Variants in CREG2 observed in about 807,000 individuals in gnomAD.
The protein encoded by CREG2 is protein CREG2.
CREG2 carries 24 observed loss-of-function variants against 26.2 expected under a neutral mutation model. That is an observed-to-expected ratio of 0.92 (90% CI 0.66 to 1.29). The LOEUF (loss-of-function observed/expected upper bound fraction) is 1.29. Ranked by LOEUF, CREG2 falls within the 50% of genes most tolerant of loss-of-function variation. The probability of loss-of-function intolerance (pLI) is 0.00; values close to 1 mark genes in which losing one functional copy is unlikely to be tolerated. For synonymous variants in CREG2, 174 were observed against 169.2 expected (o/e 1.03, Z -0.22); for missense variants, 366 against 398.6 (o/e 0.92, Z 0.70).
chr2:101,365,536 A>C (rs1279390181), intron 2 of CREG2, among the ~76,000 whole-genome samples: 1 of 152,178 alleles, frequency 6.6e-6, no homozygotes, highest in Non-Finnish European at 1.5e-5. Context: ...GTAGGTGGTC[A>C]CTTCTTCCTA....
Position 101,383,528 on chromosome 2 carries a change from T to G in CREG2, c.611+5A>C, listed in dbSNP as rs201064714. On this transcript the variant is annotated splice_donor_5th_base_variant and intron_variant, in intron 2 of 3. Transcript: ENST00000324768. Reference sequence around the variant, plus strand: ...CCGTGTGAGTGAGGGCAAACCGTCGTCTACCTGCAGAACTCCCCTTCTGAT... The same window carrying G: ...CCGTGTGAGTGAGGGCAAACCGTCGGCTACCTGCAGAACTCCCCTTCTGAT... The G allele has an allele frequency of 2.5e-6, 4 of 1,613,552 alleles. No individual in the cohort carries two copies. Among genetic ancestry groups the G allele is most frequent in the Non-Finnish European group, 2.5e-6 (3 of 1,180,000 alleles).
At position 101,349,168 on chromosome 2, in the gene CREG2, C is replaced by T. The variant is rs115684219; in HGVS notation, c.*1755G>A. The T allele has an allele frequency of 0.017, 2,574 of 152,714 alleles. 28 individuals are homozygous for T. Among genetic ancestry groups the T allele is most frequent in the Non-Finnish European group, 0.026 (1,755 of 68,034 alleles). 9.5% of individuals were successfully genotyped at this position (152,714 alleles called of 1,614,324 possible). A position where few individuals can be genotyped will look rare whatever the true frequency, so the allele number is the denominator to read the frequency against. On this transcript the variant is annotated 3_prime_UTR_variant, in exon 4 of 4. Transcript: ENST00000324768. ...GGTTGACTTATGCAATACATTTGAG[C>T]ATGTCATTTGTTCTTCCAGCTTTCT... is the stretch of plus-strand genomic sequence containing the variant.
chr2:101,372,615 G>A (rs1412521866), intron 2 of CREG2, among the ~76,000 whole-genome samples: 1 of 152,136 alleles, frequency 6.6e-6, no homozygotes, highest in Non-Finnish European at 1.5e-5. Context: ...AAGCACAAAA[G>A]GACATTGACA....
chr2:101,347,181 TC>T lies in CREG2; in HGVS notation c.*3741del, dbSNP rs1425363276. 2.6e-4 allele frequency: 39 copies of T among 152,236 alleles called. No individual in the cohort carries two copies. The highest frequency in any genetic ancestry group is 2.3e-3 in the Admixed American group (35 of 15,274). 9.4% of individuals were successfully genotyped at this position (152,236 alleles called of 1,614,324 possible). On this transcript the variant is annotated 3_prime_UTR_variant, in exon 4 of 4. Coordinates refer to ENST00000324768, the MANE Select transcript of CREG2 (RefSeq NM_153836.4). Reference sequence around the variant, plus strand: ...GTTCTTTTTTATCGCTGAGTAGTATTCCGGGCATAGAGGCACCATCCACTGT... The same window carrying T: ...GTTCTTTTTTATCGCTGAGTAGTATTCGGGCATAGAGGCACCATCCACTGT...
chr2:101,366,037 C>A (rs1684612285), intron 2 of CREG2, among the ~76,000 whole-genome samples: 1 of 152,198 alleles, frequency 6.6e-6, no homozygotes, highest in Admixed American at 6.5e-5. Flanking sequence ...GTTATTCCAT[C>A]TTGTCTATGA....
intron 2 of CREG2, among the ~76,000 whole-genome samples, chr2:101,360,491 T>C (rs1684522737): frequency 6.6e-6 from 1 of 152,074 alleles, no homozygotes; most frequent in Non-Finnish European, 1.5e-5. Context: ...TCCCAGCACT[T>C]TGGGAGGCCA....
intron 2 of CREG2, among the ~76,000 whole-genome samples, chr2:101,363,923 C>T (rs1684583367): frequency 6.6e-6 from 1 of 151,844 alleles, no homozygotes; most frequent in Non-Finnish European, 1.5e-5. Context: ...ATTGGACCAC[C>T]CAATCCTGCA....
At chr2:101,382,464 G>A (rs1684891815) in intron 2 of CREG2, 1 of 965,958 alleles carries the variant, frequency 1.0e-6, no homozygotes, top group South Asian at 4.8e-5. Flanking sequence ...GAAAAGAAAG[G>A]TATCCTGGAA....
At chr2:101,386,343 A>C (rs1453095148) in intron 1 of CREG2, among the ~76,000 whole-genome samples, 1 of 152,086 alleles carries the variant, frequency 6.6e-6, no homozygotes, top group Non-Finnish European at 1.5e-5. Context: ...AAACCCCCAA[A>C]AGCCTTCTGG....
At chr2:101,372,611 A>G (rs1375990273) in intron 2 of CREG2, among the ~76,000 whole-genome samples, 1 of 152,356 alleles carries the variant, frequency 6.6e-6, no homozygotes, top group South Asian at 2.1e-4. Context: ...CTATAAGCAC[A>G]AAAGGACATT....
At chr2:101,353,342 G>A (rs180779694) in intron 3 of CREG2, among the ~76,000 whole-genome samples, 3 of 152,300 alleles carry the variant, frequency 2.0e-5, no homozygotes, top group Admixed American at 1.3e-4. Flanking sequence ...AGACATTTAT[G>A]CGGCCAACAA....
chr2:101,387,080 G>T lies in CREG2; in HGVS notation c.378C>A (p.Thr126=). ...APPGPRLRAA[T]ARSLAHASVW... Reference sequence around the variant, plus strand: ...CGCTGGCATGGGCCAGGGAGCGGGCGGTGGCGGCGCGCAGTCTAGGGCCCG... The same window carrying T: ...CGCTGGCATGGGCCAGGGAGCGGGCTGTGGCGGCGCGCAGTCTAGGGCCCG... The change falls in exon 1 of 4, where the codon ACC becomes ACA. Residue 126 remains threonine, a synonymous_variant. Coordinates refer to ENST00000324768, the MANE Select transcript of CREG2 (RefSeq NM_153836.4). This position sits in a 1 kb window ranked among gnomAD's most constrained non-coding sequence, Gnocchi z 4.7. 1 of 1,233,972 alleles carries T rather than the reference G, an allele frequency of 8.1e-7. No homozygotes were observed. The highest frequency in any genetic ancestry group is 1.0e-6 in the Non-Finnish European group (1 of 989,792). The allele number at this position is 1,233,972 out of a possible 1,614,324, so 76.4% of individuals were successfully genotyped here.
chr2:101,358,423 G>A (rs1450121808), intron 2 of CREG2, among the ~76,000 whole-genome samples: 1 of 152,076 alleles, frequency 6.6e-6, no homozygotes, highest in Non-Finnish European at 1.5e-5. Flanking sequence ...ATCATGCTGG[G>A]ACATTTTCTC....
chr2:101,354,766 T>C (rs1384768671), intron 3 of CREG2, among the ~76,000 whole-genome samples: 5 of 152,106 alleles, frequency 3.3e-5, no homozygotes. Context: ...GAGCATGCCT[T>C]TCACAATACA....
intron 2 of CREG2, among the ~76,000 whole-genome samples, chr2:101,372,234 G>C (rs1033491710): frequency 4.6e-5 from 7 of 152,214 alleles, no homozygotes; most frequent in Non-Finnish European, 1.0e-4. Context: ...ATGGTGACAA[G>C]TAAGCAAGGA....
intron 1 of CREG2, 91 bp from the exon 2 acceptor site, chr2:101,383,793 A>C (rs1684921162): frequency 4.1e-6 from 5 of 1,218,872 alleles, no homozygotes; most frequent in Non-Finnish European, 5.7e-6. Context: ...AGGAAATACA[A>C]CACCAGGGAT....
intron 1 of CREG2, among the ~76,000 whole-genome samples, chr2:101,386,280 A>G (rs1023680950): frequency 4.6e-5 from 7 of 152,170 alleles, no homozygotes; most frequent in East Asian, 1.9e-4. Context: ...TCTTTTTTGT[A>G]GGAAGTAAAG....
intron 2 of CREG2, among the ~76,000 whole-genome samples, chr2:101,362,239 G>A (rs572128303): frequency 2.0e-5 from 3 of 152,178 alleles, no homozygotes; most frequent in Admixed American, 1.3e-4. Flanking sequence ...CCGTACCTGG[G>A]GGGCAGCCAC....
chr2:101,354,776 A>G (rs1006421296), intron 3 of CREG2, among the ~76,000 whole-genome samples: 8 of 152,126 alleles, frequency 5.3e-5, no homozygotes, highest in African/African-American at 1.4e-4. Context: ...TTCACAATAC[A>G]GATTCCTGAG....
Sources: allele counts gnomAD v4.1 joint callset (sites outside exome capture counted in the v4.1 genomes callset), GRCh38; gene constraint gnomAD v4.1.1; non-coding constraint Gnocchi (gnomAD v3.1); transcripts MANE v1.5; gene names NCBI Gene and HGNC (gene_info 2026-07-23, HGNC 2026-07-21).